Variants in NUDT11 observed in about 807,000 individuals in gnomAD.
NUDT11 encodes the protein diphosphoinositol polyphosphate phosphohydrolase 3-beta.
A neutral mutation model predicts 10.0 loss-of-function variants in NUDT11; 1 was observed. The observed-to-expected ratio is 0.10, with a 90% CI of 0.04 to 0.47. The LOEUF (loss-of-function observed/expected upper bound fraction) is 0.47. NUDT11 is among the 20% of genes least tolerant of loss of function. The pLI, the probability that NUDT11 is intolerant of heterozygous loss-of-function variation, is 0.96. For missense variants in NUDT11, 47 were observed against 140.4 expected (o/e 0.33, Z 3.36); for synonymous variants, 63 against 65.9 (o/e 0.96, Z 0.21).
chrX:51,491,023 T>C lies in NUDT11; in HGVS notation c.*726A>G, dbSNP rs1040374554. 9 of 112,601 alleles carry C rather than the reference T, an allele frequency of 8.0e-5. No individual in the cohort carries two copies. Among genetic ancestry groups the C allele is most frequent in the Non-Finnish European group, 1.1e-4 (6 of 53,306 alleles). The allele number at this position is 112,601 out of a possible 1,213,427, so 9.3% of individuals were successfully genotyped here. A position where few individuals can be genotyped will look rare whatever the true frequency, so the allele number is the denominator to read the frequency against. ...TTTTTATAAAAACTCACAACATTAT[T>C]TTGCGTCCACTGTATTTATTTTTAC... On this transcript the variant is annotated 3_prime_UTR_variant, in exon 2 of 2. Coordinates refer to ENST00000375992, the MANE Select transcript of NUDT11 (RefSeq NM_018159.4).
At chrX:51,493,008 G>GA (rs1426206127) in intron 1 of NUDT11, among the ~76,000 whole-genome samples, 1 of 112,445 alleles carries the variant, frequency 8.9e-6, no homozygotes, top group Non-Finnish European at 1.9e-5. Flanking sequence ...TGTTGCAAAT[G>GA]AATCTATGCA....
chrX:51,491,570 C>T lies in NUDT11; in HGVS notation c.*179G>A, dbSNP rs1925596121. 5 of 442,474 alleles carry T rather than the reference C, an allele frequency of 1.1e-5. No homozygotes were observed. Among genetic ancestry groups the T allele is most frequent in the Non-Finnish European group, 2.0e-5 (5 of 251,864 alleles). 36.5% of individuals were successfully genotyped at this position (442,474 alleles called of 1,213,427 possible). A position where few individuals can be genotyped will look rare whatever the true frequency, so the allele number is the denominator to read the frequency against. On this transcript the variant is annotated 3_prime_UTR_variant, in exon 2 of 2. Transcript: ENST00000375992. ...AGTCTATTCACGTATAAGAGTACAA[C>T]AACCAGAGCAAGAGTCAGTGGTATA...
At chrX:51,495,430 G>C (rs1184344429) in intron 1 of NUDT11, among the ~76,000 whole-genome samples, 1 of 111,812 alleles carries the variant, frequency 8.9e-6, no homozygotes, top group Non-Finnish European at 1.9e-5. Flanking sequence ...AAAACTAAAG[G>C]GGAAAAAGAA....
rs187858703 is a variant in NUDT11, at chrX:51,490,325, G to T, written c.*1424C>A. 1 of 111,968 alleles carries T rather than the reference G, an allele frequency of 8.9e-6. No individual in the cohort carries two copies. 9.2% of individuals were successfully genotyped at this position (111,968 alleles called of 1,213,427 possible). Reference sequence around the variant, plus strand: ...AAGTTATATTTTTATTTCAAATTATGTAACAACTGGGGACACAATCAATAC... The same window carrying T: ...AAGTTATATTTTTATTTCAAATTATTTAACAACTGGGGACACAATCAATAC... On this transcript the variant is annotated 3_prime_UTR_variant, in exon 2 of 2. Transcript: ENST00000375992.
Position 51,491,685 on chromosome X carries a change from C to A in NUDT11, c.*64G>T. Reference sequence around the variant, plus strand: ...AAGTGCTCACCTGTACTTGACAATTCCACTGATCACTGGGTTCACATCAAT... The same window carrying A: ...AAGTGCTCACCTGTACTTGACAATTACACTGATCACTGGGTTCACATCAAT... On this transcript the variant is annotated 3_prime_UTR_variant, in exon 2 of 2. Transcript: ENST00000375992. The A allele has an allele frequency of 1.8e-6, 1 of 569,083 alleles. No individual in the cohort carries two copies. The highest frequency in any genetic ancestry group is 2.2e-5 in the South Asian group (1 of 44,508). The allele number at this position is 569,083 out of a possible 1,213,427, so 46.9% of individuals were successfully genotyped here.
chrX:51,496,111 T>C lies in NUDT11; in HGVS notation c.334A>G (p.Ser112Gly). Residue 112 changes from serine to glycine, a missense_variant, in exon 1 of 2, where the codon AGC (serine) becomes GGC (glycine). Ser to Gly is a moderately conservative substitution (Grantham distance 56, BLOSUM62 0). Transcript: ENST00000375992. ...ELLEDWEDSV[S>G]IGRKREWFKV... ...AACCACTCTCGCTTCCTCCCAATGCTAACCGAATCTTCCCAATCCTCCAGC... is the reference window on the plus strand; with the variant it reads ...AACCACTCTCGCTTCCTCCCAATGCCAACCGAATCTTCCCAATCCTCCAGC... 8.3e-7 allele frequency: 1 copy of C among 1,211,676 alleles called. No individual in the cohort carries two copies. The highest frequency in any genetic ancestry group is 1.1e-6 in the Non-Finnish European group (1 of 895,287).
chrX:51,493,748 A>G (rs1557326392), intron 1 of NUDT11, among the ~76,000 whole-genome samples: 1 of 108,897 alleles, frequency 9.2e-6, no homozygotes, highest in Admixed American at 9.9e-5. Context: ...TGTTTCTGGA[A>G]AAAAAAAAAG....
intron 1 of NUDT11, 71 bp downstream of exon 1, chrX:51,495,880 G>A: frequency 1.7e-6 from 2 of 1,174,002 alleles, no homozygotes; most frequent in South Asian, 2.0e-5. Context: ...GGCACGAGAG[G>A]TGCTCCAGGC....
intron 1 of NUDT11, among the ~76,000 whole-genome samples, chrX:51,493,878 C>A (rs182989622): frequency 5.9e-4 from 66 of 111,845 alleles, no homozygotes; most frequent in Admixed American, 5.0e-3. Flanking sequence ...TAAGATGATG[C>A]ATAATTACTT....
chrX:51,491,556 G>A lies in NUDT11; in HGVS notation c.*193C>T, dbSNP rs1417443095. On this transcript the variant is annotated 3_prime_UTR_variant, in exon 2 of 2. Coordinates refer to ENST00000375992, the MANE Select transcript of NUDT11 (RefSeq NM_018159.4). The stretch of plus-strand genomic sequence containing the variant: ...GGTGCTGAATTAAGAGTCTATTCAC[G>A]TATAAGAGTACAACAACCAGAGCAA... 2.6e-5 allele frequency: 11 copies of A among 429,514 alleles called. No individual in the cohort carries two copies. In the South Asian group the frequency reaches 4.0e-4, roughly 16 times the overall value. 35.4% of individuals were successfully genotyped at this position (429,514 alleles called of 1,213,427 possible).
At position 51,496,431 on chromosome X, in the gene NUDT11, G is replaced by A; in HGVS notation, c.14C>T (p.Pro5Leu). The change falls in exon 1 of 2, where the codon CCC becomes CTC. Residue 5 changes from proline to leucine, a missense_variant. Physicochemically the swap from Pro to Leu is moderately conservative, Grantham distance 98. Transcript: ENST00000375992. Reference sequence around the variant, plus strand: ...GGGGTCGTAGGTCCGCGTCTGGTTGGGTTTGCACTTCATCCTCGAGGCAGC... The same window carrying A: ...GGGGTCGTAGGTCCGCGTCTGGTTGAGTTTGCACTTCATCCTCGAGGCAGC... Reference protein sequence around the residue: MKCKPNQTRTYDPEG... With the variant: MKCKLNQTRTYDPEG... The A allele has an allele frequency of 8.4e-7, 1 of 1,194,500 alleles. No homozygotes were observed.
chrX:51,495,544 G>T (rs1296356746), intron 1 of NUDT11, among the ~76,000 whole-genome samples: 1 of 111,520 alleles, frequency 9.0e-6, no homozygotes, highest in Non-Finnish European at 1.9e-5. Flanking sequence ...GCTCACCCAC[G>T]AATATGTGTG....
chrX:51,494,878 G>C (rs1259422435), intron 1 of NUDT11, among the ~76,000 whole-genome samples: 1 of 112,023 alleles, frequency 8.9e-6, no homozygotes, highest in Non-Finnish European at 1.9e-5. Context: ...TAACTCAGTT[G>C]GGATGTAATC....
intron 1 of NUDT11, 105 bp downstream of exon 1, chrX:51,495,846 C>T: frequency 9.1e-7 from 1 of 1,095,620 alleles, no homozygotes; most frequent in Non-Finnish European, 1.2e-6. Context: ...AAGAAGCCTC[C>T]CTCCTCCCCG....
chrX:51,495,828 G>T, intron 1 of NUDT11, 123 bp downstream of exon 1: 1 of 1,032,523 alleles, frequency 9.7e-7, no homozygotes, highest in South Asian at 2.4e-5. Flanking sequence ...GGTCTGCCAA[G>T]GAAACAAAAG....
At chrX:51,492,678 GCT>G (rs1243046913) in intron 1 of NUDT11, among the ~76,000 whole-genome samples, 7 of 111,606 alleles carry the variant, frequency 6.3e-5, no homozygotes, top group African/African-American at 2.3e-4. Flanking sequence ...CCCAGCCCAT[GCT>G]CTCTTATTCT....
In NUDT11 at chrX:51,495,984, G is replaced by A. The variant is rs1569553019; in HGVS notation, c.461C>T (p.Ser154Phe). The part of the protein sequence containing the change: ...KLGGSPTNGN[S>F]MAPSSPDSDP The stretch of plus-strand genomic sequence containing the variant: ...GCTATCTGGCGAGGATGGGGCCATG[G>A]AGTTTCCATTGGTTGGGGAACCGCC... The change falls in exon 1 of 2, where the codon TCC (serine) becomes TTC (phenylalanine). Residue 154 changes from serine (S) to phenylalanine (F), a missense_variant. Ser to Phe is a radical substitution (Grantham distance 155, BLOSUM62 -2). Coordinates refer to ENST00000375992, the MANE Select transcript of NUDT11 (RefSeq NM_018159.4). The A allele has an allele frequency of 3.3e-6, 4 of 1,206,701 alleles. No individual in the cohort carries two copies. The highest frequency in any genetic ancestry group is 4.5e-6 in the Non-Finnish European group (4 of 892,734).
Position 51,490,715 on chromosome X carries a change from C to T in NUDT11, c.*1034G>A, listed in dbSNP as rs1302896305. 9.0e-6 allele frequency: 1 copy of T among 111,618 alleles called. No homozygotes were observed. Among genetic ancestry groups the T allele is most frequent in the Non-Finnish European group, 1.9e-5 (1 of 53,148 alleles). 9.2% of individuals were successfully genotyped at this position (111,618 alleles called of 1,213,427 possible). A position where few individuals can be genotyped will look rare whatever the true frequency, so the allele number is the denominator to read the frequency against. ...CCTCTGCATTCTCATATGCAGAAAC[C>T]AGGTAGGATGAGGAGCTAGCTGTGT... On this transcript the variant is annotated 3_prime_UTR_variant, in exon 2 of 2. Transcript: ENST00000375992.
At chrX:51,494,309 CATGTA>C (rs1925656338) in intron 1 of NUDT11, among the ~76,000 whole-genome samples, 1 of 111,667 alleles carries the variant, frequency 9.0e-6, no homozygotes, top group Admixed American at 9.5e-5. Context: ...TTGATCAGAC[CATGTA>C]ATTCAGATAA....
Sources: gnomAD v4.1 joint callset for allele counts (sites outside exome capture counted in the v4.1 genomes callset) on GRCh38, gnomAD v4.1.1 for gene constraint, MANE v1.5 for transcripts, NCBI Gene and HGNC (gene_info 2026-07-23, HGNC 2026-07-21) for gene names.